TTF1: variants seen among roughly 807,000 people sequenced by gnomAD.
The protein encoded by TTF1 is transcription termination factor, RNA polymerase I.
TTF1 carries 64 observed loss-of-function variants against 80.2 expected under a neutral mutation model. The observed-to-expected ratio is 0.80, with a 90% CI of 0.65 to 0.98. The LOEUF is 0.98. Among genes scored for constraint, TTF1 ranks in the 50% least tolerant of loss-of-function variants. The pLI is 0.00. For missense variants in TTF1, 1,023 were observed against 1,086.2 expected (o/e 0.94, Z 0.82); for synonymous variants, 372 against 382.7 (o/e 0.97, Z 0.33).
chr9:132,378,114 TGA>T (rs1325501280), intron 10 of TTF1, among the ~76,000 whole-genome samples: 1 of 113,018 alleles, frequency 8.8e-6, no homozygotes, highest in African/African-American at 3.6e-5. Flanking sequence ...GTGGTGTGTG[TGA>T]GTGCATGCAT....
In TTF1 at chr9:132,402,653, T is replaced by G. The variant is rs1013765824; in HGVS notation, c.169A>C (p.Lys57Gln). The change falls in exon 2 of 11, where the codon AAA becomes CAA. Residue 57 changes from lysine to glutamine, a missense_variant. Transcript: ENST00000334270. ...SQITRRKKRK[K>Q]DFQHLISSPL... is the part of the protein sequence containing the mutation. The stretch of plus-strand genomic sequence containing the variant: ...GAAGAAATGAGATGCTGGAAATCTT[T>G]TTTCCTCTTTTTCCTCCTAGTTATT... 3 of 1,613,128 alleles carry G rather than the reference T, an allele frequency of 1.9e-6. No individual in the cohort carries two copies. Among genetic ancestry groups the G allele is most frequent in the Non-Finnish European group, 2.5e-6 (3 of 1,179,800 alleles).
intron 9 of TTF1, among the ~76,000 whole-genome samples, chr9:132,385,452 C>G (rs138662115): frequency 4.4e-4 from 67 of 152,344 alleles, no homozygotes; most frequent in African/African-American, 1.5e-3. Context: ...GCGTGGGAGT[C>G]TGGCCTGCAC....
chr9:132,385,331 C>T (rs553513474), intron 9 of TTF1, among the ~76,000 whole-genome samples: 30 of 152,254 alleles, frequency 2.0e-4, no homozygotes, highest in Admixed American at 1.5e-3. Context: ...GGGCTGAAAA[C>T]CAGAGAATTG....
chr9:132,396,311 G>C, intron 5 of TTF1, 122 bp downstream of exon 5: 1 of 968,086 alleles, frequency 1.0e-6, no homozygotes, highest in Non-Finnish European at 1.6e-6. Flanking sequence ...TACACCACCT[G>C]GTTTCACACA....
In TTF1 at chr9:132,390,776, G is replaced by A. The variant is rs368907058; in HGVS notation, c.2043C>T (p.Val681=). Residue 681 remains valine (V), a synonymous_variant, in exon 7 of 11, where the codon GTC becomes GTT. Coordinates refer to ENST00000334270, the MANE Select transcript of TTF1 (RefSeq NM_007344.4). ...KSETRKLIKA[V]EEVILKKMSP... ...ACATCTTCTTCAGAATCACTTCTTC[G>A]ACAGCCTTGATTAGTTTCCGGGTTT... 4.8e-5 allele frequency: 77 copies of A among 1,614,020 alleles called. No individual in the cohort carries two copies. The highest frequency in any genetic ancestry group is 3.9e-4 in the African/African-American group (29 of 74,964).
intron 5 of TTF1, among the ~76,000 whole-genome samples, chr9:132,394,559 G>A (rs1294357815): frequency 6.6e-6 from 1 of 152,088 alleles, no homozygotes; most frequent in African/African-American, 2.4e-5. Flanking sequence ...GGAATTATAG[G>A]TGTGAGCCAC....
intron 6 of TTF1, 123 bp from the exon 7 acceptor site, chr9:132,390,954 T>A: frequency 3.6e-6 from 3 of 825,448 alleles, no homozygotes. Flanking sequence ...TATATAGACA[T>A]AAAACAAACA....
intron 9 of TTF1, among the ~76,000 whole-genome samples, chr9:132,382,654 G>T (rs770292100): frequency 6.6e-6 from 1 of 152,030 alleles, no homozygotes; most frequent in Admixed American, 6.6e-5. Flanking sequence ...AAGGAAGGCC[G>T]GGCATGGTGG....
At chr9:132,405,749 T>C (rs1849854019) in intron 1 of TTF1, among the ~76,000 whole-genome samples, 2 of 152,240 alleles carry the variant, frequency 1.3e-5, no homozygotes, top group Admixed American at 6.5e-5. Context: ...GGTAAGTCCA[T>C]GCCCACCTCT....
chr9:132,376,436 G>T (rs1849177783), intron 10 of TTF1, among the ~76,000 whole-genome samples: 1 of 152,112 alleles, frequency 6.6e-6, no homozygotes, highest in East Asian at 1.9e-4. Flanking sequence ...AATTCATAAG[G>T]ATTCAAACTC....
At chr9:132,378,253 GGT>G (rs1178192826) in intron 10 of TTF1, among the ~76,000 whole-genome samples, 6 of 112,424 alleles carry the variant, frequency 5.3e-5, no homozygotes, top group African/African-American at 6.1e-5. Context: ...GAGTGCATGT[GGT>G]GTGTGTGAGT....
intron 10 of TTF1, among the ~76,000 whole-genome samples, chr9:132,377,491 TGTGTGA>T (rs1379402153): frequency 8.4e-5 from 1 of 11,858 alleles, no homozygotes; most frequent in Non-Finnish European, 4.0e-4. Context: ...GCATGTGGTG[TGTGTGA>T]GTGCATGCAT....
intron 4 of TTF1, 35 bp from the exon 5 acceptor site, chr9:132,396,546 C>G (rs968204023): frequency 6.3e-7 from 1 of 1,592,298 alleles, no homozygotes; most frequent in African/African-American, 1.3e-5. Context: ...GAGGGACTCA[C>G]ATGAAATGAA....
At chr9:132,378,190 TGA>T (rs1454910832) in intron 10 of TTF1, among the ~76,000 whole-genome samples, 4 of 123,626 alleles carry the variant, frequency 3.2e-5, no homozygotes, top group East Asian at 2.6e-4. Context: ...GCATGTGGTG[TGA>T]GTGCATGTGC....
chr9:132,377,584 TGTG>T (rs1455171057), intron 10 of TTF1, among the ~76,000 whole-genome samples: 2 of 26,132 alleles, frequency 7.7e-5, no homozygotes, highest in South Asian at 6.5e-3. Context: ...ATGTGGTGTG[TGTG>T]AGTGCATGTG....
rs1404087464 is a variant in TTF1 at position 132,400,132 on chromosome 9, A to G, written c.1494T>C (p.Leu498=). The G allele has an allele frequency of 1.9e-6, 3 of 1,614,062 alleles. No homozygotes were observed. Among genetic ancestry groups the G allele is most frequent in the African/African-American group, 1.3e-5 (1 of 74,920 alleles). The change falls in exon 3 of 11, where the codon CTT becomes CTC. Residue 498 remains leucine, a synonymous_variant. Transcript: ENST00000334270. ...DADLGSAVKQ[L]QEFIPNIKDR... is the part of the protein sequence containing the mutation. ...CCTTGATGTTAGGAATGAACTCCTG[A>G]AGCTGTTTCACGGCAGAACCCAAAT...
At chr9:132,399,934 G>C (rs1045450817) in intron 3 of TTF1, 101 bp downstream of exon 3, 2 of 1,244,632 alleles carry the variant, frequency 1.6e-6, no homozygotes, top group Non-Finnish European at 2.3e-6. Flanking sequence ...GAGAAAGAAT[G>C]CTTCTTGTCG....
chr9:132,401,957 C>T lies in TTF1; in HGVS notation c.865G>A (p.Glu289Lys), dbSNP rs375652888. The change falls in exon 2 of 11, where the codon GAG (glutamate) becomes AAG (lysine). Residue 289 changes from glutamate to lysine, a missense_variant. Transcript: ENST00000334270. ...KKKKSNHQEF[E>K]ALAMPEGSQV... ...GATCCTTCAGGCATGGCCAATGCCT[C>T]AAATTCCTGGTGATTGGACTTTTTC... The T allele has an allele frequency of 9.0e-5, 146 of 1,613,936 alleles. No individual in the cohort carries two copies. The highest frequency in any genetic ancestry group is 1.3e-4 in the Admixed American group (8 of 59,962).
intron 2 of TTF1, among the ~76,000 whole-genome samples, chr9:132,401,018 G>A (rs915701382): frequency 6.6e-6 from 1 of 152,194 alleles, no homozygotes; most frequent in African/African-American, 2.4e-5. Flanking sequence ...ACCTCTTGAT[G>A]ATTTTTGCCA....
Sources: allele counts gnomAD v4.1 joint callset (sites outside exome capture counted in the v4.1 genomes callset), GRCh38; gene constraint gnomAD v4.1.1; transcripts MANE v1.5; gene names NCBI Gene and HGNC (gene_info 2026-07-23, HGNC 2026-07-21).